Variants in IL1RAPL1 observed in about 807,000 individuals in gnomAD.
IL1RAPL1 encodes the protein interleukin 1 receptor accessory protein like 1.
Under a neutral mutation model 48.4 loss-of-function variants are expected in IL1RAPL1, and 3 were observed. The observed-to-expected ratio is 0.06, with a 90% CI of 0.03 to 0.16. The LOEUF is 0.16. Among genes scored for constraint, IL1RAPL1 ranks in the 10% least tolerant of loss-of-function variants. The pLI is 1.00. For missense variants in IL1RAPL1, 349 were observed against 530.6 expected (o/e 0.66, Z 3.36); for synonymous variants, 185 against 187.7 (o/e 0.99, Z 0.12).
At chrX:28,815,882 T>TATATATATATAA (rs1555926465) in intron 2 of IL1RAPL1, among the ~76,000 whole-genome samples, 5 of 75,528 alleles carry the variant, frequency 6.6e-5, no homozygotes, top group African/African-American at 1.9e-4. Context: ...TATATATATA[T>TATATATATATAA]ATAATTTTTT....
chrX:28,787,218 T>G (rs918680655), intron 1 of IL1RAPL1, among the ~76,000 whole-genome samples: 24 of 112,028 alleles, frequency 2.1e-4, no homozygotes, highest in African/African-American at 7.8e-4. Flanking sequence ...AGTAAAGTAA[T>G]AAGATAGTTG....
intron 5 of IL1RAPL1, among the ~76,000 whole-genome samples, chrX:29,562,091 G>GTCTATCTA (rs769814349): frequency 1.2e-5 from 1 of 86,341 alleles, no homozygotes; most frequent in African/African-American, 4.5e-5. Context: ...TAATCTATCT[G>GTCTATCTA]TCTATCTATC....
At chrX:29,868,182 C>T (rs1365535525) in intron 6 of IL1RAPL1, among the ~76,000 whole-genome samples, 1 of 112,174 alleles carries the variant, frequency 8.9e-6, no homozygotes, top group Non-Finnish European at 1.9e-5. Flanking sequence ...GTCTTCCAAG[C>T]TGAACTATGA....
chrX:28,634,968 C>CT lies in IL1RAPL1; in HGVS notation c.-25+46927dup, dbSNP rs949425073. On this transcript the variant is annotated intron_variant, in intron 1 of 10. Coordinates refer to ENST00000378993, the MANE Select transcript of IL1RAPL1 (RefSeq NM_014271.4). ...TCTTGTTAGAAGAGGCACCGAATGC[C>CT]TTTTTTATGAACTCTTTGCACTATC... is the stretch of plus-strand genomic sequence containing the variant. 1.2e-3 allele frequency among the ~76,000 whole-genome samples: 84 copies of CT among 69,901 alleles called. 1 individual carries two copies. Among genetic ancestry groups the CT allele is most frequent in the African/African-American group, 5.0e-3 (82 of 16,430 alleles). 60.7% of individuals were successfully genotyped at this position (69,901 alleles called of 115,157 possible).
chrX:28,595,976 C>T (rs1295570634), intron 1 of IL1RAPL1, among the ~76,000 whole-genome samples: 1 of 111,093 alleles, frequency 9.0e-6, no homozygotes, highest in African/African-American at 3.3e-5. Context: ...CCCTTAATAA[C>T]ACAGCCACAG....
chrX:29,131,877 CT>C (rs1257693663), intron 2 of IL1RAPL1, among the ~76,000 whole-genome samples: 1 of 111,326 alleles, frequency 9.0e-6, no homozygotes, highest in African/African-American at 3.3e-5. Flanking sequence ...CCCCAGGCTA[CT>C]TTTACTGAAC....
chrX:29,090,511 GAAAAA>G (rs200470454), intron 2 of IL1RAPL1, among the ~76,000 whole-genome samples: 4,946 of 111,665 alleles, frequency 0.044, 111 homozygotes, highest in Middle Eastern at 0.092. Flanking sequence ...CTCTGGGGAG[GAAAAA>G]AGACATTTTG....
intron 2 of IL1RAPL1, among the ~76,000 whole-genome samples, chrX:28,939,367 T>C (rs1271944098): frequency 9.0e-6 from 1 of 111,112 alleles, no homozygotes; most frequent in African/African-American, 3.3e-5. Context: ...AAGAGTGATA[T>C]CATGTCTTTT....
chrX:28,897,156 G>A (rs1276333551), intron 2 of IL1RAPL1, among the ~76,000 whole-genome samples: 2 of 109,674 alleles, frequency 1.8e-5, no homozygotes, highest in African/African-American at 3.3e-5. Context: ...GGAGAGAAGG[G>A]GTTGGGGGGG....
chrX:29,022,830 T>G (rs769772394), intron 2 of IL1RAPL1, among the ~76,000 whole-genome samples: 2 of 111,418 alleles, frequency 1.8e-5, no homozygotes, highest in South Asian at 7.6e-4. Flanking sequence ...CTTTAACTCT[T>G]TATCACCAAT....
intron 2 of IL1RAPL1, among the ~76,000 whole-genome samples, chrX:28,852,737 A>T (rs777744465): frequency 9.0e-6 from 1 of 111,680 alleles, no homozygotes; most frequent in African/African-American, 3.3e-5. Flanking sequence ...ACTTGCAGTC[A>T]TCAGAATCCA....
At chrX:29,728,086 T>C (rs4829284) in intron 6 of IL1RAPL1, among the ~76,000 whole-genome samples, 55,724 of 107,668 alleles carry the variant, frequency 0.52, 11,690 homozygotes, top group African/African-American at 0.76. Flanking sequence ...TACAGGCGCC[T>C]GCCACCACGC....
chrX:29,010,545 A>C (rs1926098875), intron 2 of IL1RAPL1, among the ~76,000 whole-genome samples: 1 of 112,213 alleles, frequency 8.9e-6, no homozygotes, highest in African/African-American at 3.2e-5. Context: ...TCATATTTTT[A>C]AAGTCACAAA....
At chrX:29,036,603 T>C (rs1349601747) in intron 2 of IL1RAPL1, among the ~76,000 whole-genome samples, 1 of 112,301 alleles carries the variant, frequency 8.9e-6, no homozygotes, top group Non-Finnish European at 1.9e-5. Context: ...TTTTAGAATC[T>C]ATAGAGGTAG....
At chrX:28,778,700 G>T (rs1313863169) in intron 1 of IL1RAPL1, among the ~76,000 whole-genome samples, 3 of 111,852 alleles carry the variant, frequency 2.7e-5, no homozygotes, top group Admixed American at 9.5e-5. Flanking sequence ...CACCAAATAA[G>T]TGTGAGCTCT....
At chrX:28,702,122 A>G (rs1472633092) in intron 1 of IL1RAPL1, among the ~76,000 whole-genome samples, 1 of 111,161 alleles carries the variant, frequency 9.0e-6, no homozygotes, top group Non-Finnish European at 1.9e-5. Context: ...GTTTTGTGAT[A>G]CTTGCTAAGT....
At chrX:28,867,702 G>A (rs1206057272) in intron 2 of IL1RAPL1, among the ~76,000 whole-genome samples, 1 of 111,806 alleles carries the variant, frequency 8.9e-6, no homozygotes, top group Non-Finnish European at 1.9e-5. Flanking sequence ...TGTTCTGATG[G>A]ACACATGGCA....
At chrX:28,984,501 T>A (rs1925418630) in intron 2 of IL1RAPL1, among the ~76,000 whole-genome samples, 1 of 112,124 alleles carries the variant, frequency 8.9e-6, no homozygotes, top group Non-Finnish European at 1.9e-5. Context: ...TGCAAGCGTG[T>A]CAAAATATTT....
intron 6 of IL1RAPL1, among the ~76,000 whole-genome samples, chrX:29,836,268 A>G (rs1569182381): frequency 9.8e-6 from 1 of 101,926 alleles, no homozygotes; most frequent in Non-Finnish European, 2.0e-5. Flanking sequence ...TTGGCTCACC[A>G]CAACCTCCAT....
Sources: allele counts gnomAD v4.1 joint callset (sites outside exome capture counted in the v4.1 genomes callset), GRCh38; gene constraint gnomAD v4.1.1; transcripts MANE v1.5; gene names NCBI Gene and HGNC (gene_info 2026-07-23, HGNC 2026-07-21).